Variants in ROBO2 observed in about 807,000 individuals in gnomAD.
The protein encoded by ROBO2 is roundabout homolog 2.
A neutral mutation model predicts 160.8 loss-of-function variants in ROBO2; 53 were observed. The observed-to-expected ratio is 0.33, with a 90% CI of 0.26 to 0.41. ROBO2 has a LOEUF of 0.41. Among genes scored for constraint, ROBO2 ranks in the 10% least tolerant of loss-of-function variants. The probability of loss-of-function intolerance (pLI) is 1.00; values close to 1 mark genes in which losing one functional copy is unlikely to be tolerated. For synonymous variants in ROBO2, 664 were observed against 611.7 expected (o/e 1.09, Z -1.26); for missense variants, 1,577 against 1,722.4 (o/e 0.92, Z 1.49).
chr3:77,076,227 C>T (rs542924430), intron 1 of ROBO2, among the ~76,000 whole-genome samples: 34 of 151,874 alleles, frequency 2.2e-4, no homozygotes, highest in Non-Finnish European at 4.6e-4. Context: ...TCTGTATTTT[C>T]TCCTGTATTG....
intron 3 of ROBO2, among the ~76,000 whole-genome samples, chr3:77,479,830 T>C (rs1425930013): frequency 6.6e-6 from 1 of 152,160 alleles, no homozygotes; most frequent in Non-Finnish European, 1.5e-5. Flanking sequence ...GGTATCTTCG[T>C]TCCCCTCCTT....
chr3:77,171,476 A>G (rs2079626972), intron 2 of ROBO2, among the ~76,000 whole-genome samples: 1 of 152,210 alleles, frequency 6.6e-6, no homozygotes, highest in Admixed American at 6.5e-5. Context: ...TATTTTTTCT[A>G]ATTAAAATAA....
intron 2 of ROBO2, among the ~76,000 whole-genome samples, chr3:77,225,375 C>T (rs1347576876): frequency 2.0e-5 from 3 of 151,778 alleles, no homozygotes; most frequent in Non-Finnish European, 2.9e-5. Flanking sequence ...GTCAACTTTG[C>T]GTAATATAGA....
intron 2 of ROBO2, among the ~76,000 whole-genome samples, chr3:77,311,770 G>A (rs565249876): frequency 7.2e-5 from 11 of 151,844 alleles, no homozygotes; most frequent in East Asian, 1.9e-4. Flanking sequence ...TCATTCTTTC[G>A]TCTTTTCATA....
chr3:76,654,322 G>C (rs1249303520), intron 2 of ROBO2, among the ~76,000 whole-genome samples: 1 of 152,118 alleles, frequency 6.6e-6, no homozygotes, highest in East Asian at 1.9e-4. Flanking sequence ...GAGTATAAAA[G>C]AAGTGTTGGC....
intron 2 of ROBO2, among the ~76,000 whole-genome samples, chr3:77,201,611 T>C (rs2082918188): frequency 6.6e-6 from 1 of 152,208 alleles, no homozygotes; most frequent in Non-Finnish European, 1.5e-5. Context: ...AAGTTTTACA[T>C]AAAAGTATGT....
At chr3:76,769,278 G>A (rs1226074942) in intron 2 of ROBO2, among the ~76,000 whole-genome samples, 2 of 151,312 alleles carry the variant, frequency 1.3e-5, no homozygotes, top group South Asian at 2.1e-4. Flanking sequence ...GATTATGTGG[G>A]GATCTTGTTA....
chr3:77,615,985 A>G (rs1287511364), intron 21 of ROBO2, among the ~76,000 whole-genome samples: 4 of 152,232 alleles, frequency 2.6e-5, no homozygotes, highest in Non-Finnish European at 5.9e-5. Context: ...CCCATGTACC[A>G]GAAACTGTAT....
At chr3:76,547,214 T>C (rs1238917164) in intron 2 of ROBO2, among the ~76,000 whole-genome samples, 2 of 152,064 alleles carry the variant, frequency 1.3e-5, no homozygotes, top group Non-Finnish European at 2.9e-5. Context: ...AATTTACTTG[T>C]ACTAAAATTA....
chr3:76,480,007 A>G (rs11720959), intron 2 of ROBO2, among the ~76,000 whole-genome samples: 12,700 of 149,476 alleles, frequency 0.085, 643 homozygotes, highest in Middle Eastern at 0.12. Context: ...AACAAAATAC[A>G]AAGTAGCTTT....
At chr3:76,303,966 A>T (rs2071197236) in intron 2 of ROBO2, among the ~76,000 whole-genome samples, 1 of 152,216 alleles carries the variant, frequency 6.6e-6, no homozygotes, top group Non-Finnish European at 1.5e-5. Context: ...ATCACTGGCA[A>T]AGGAAAAAGG....
intron 2 of ROBO2, among the ~76,000 whole-genome samples, chr3:76,762,514 A>G (rs1374420458): frequency 6.7e-6 from 1 of 149,694 alleles, no homozygotes; most frequent in African/African-American, 2.5e-5. Context: ...TATACTCAGT[A>G]TTTACATGGA....
chr3:77,587,565 T>C (rs2094084547), intron 16 of ROBO2, among the ~76,000 whole-genome samples: 1 of 151,978 alleles, frequency 6.6e-6, no homozygotes, highest in Non-Finnish European at 1.5e-5. Flanking sequence ...TCCCAAAATA[T>C]ATGAAGTAGA....
chr3:77,021,965 G>A (rs1262904410), intron 2 of ROBO2, among the ~76,000 whole-genome samples: 4 of 152,184 alleles, frequency 2.6e-5, no homozygotes, highest in Admixed American at 2.6e-4. Context: ...CAGAGGCCGG[G>A]TGTAGTGGCT....
At chr3:77,371,591 C>T (rs1449469712) in intron 2 of ROBO2, among the ~76,000 whole-genome samples, 11 of 152,092 alleles carry the variant, frequency 7.2e-5, no homozygotes, top group African/African-American at 2.7e-4. Context: ...AATTTTGATT[C>T]TTATAATGTG....
At chr3:77,240,544 C>T (rs116912817) in intron 2 of ROBO2, among the ~76,000 whole-genome samples, 4,029 of 152,232 alleles carry the variant, frequency 0.026, 193 homozygotes, top group East Asian at 0.21. Context: ...ACTGCAGCAG[C>T]GGGCTGAAGG....
At chr3:76,752,428 A>T (rs2060724886) in intron 2 of ROBO2, among the ~76,000 whole-genome samples, 1 of 150,852 alleles carries the variant, frequency 6.6e-6, no homozygotes, top group Admixed American at 6.6e-5. Flanking sequence ...TAGAACATAA[A>T]GTATAAAACA....
intron 2 of ROBO2, among the ~76,000 whole-genome samples, chr3:76,996,193 A>C (rs951667308): frequency 3.9e-5 from 6 of 152,156 alleles, no homozygotes; most frequent in Non-Finnish European, 2.9e-5. Context: ...TCCCAGCACC[A>C]TTTATTAAAT....
chr3:76,259,865 C>T (rs1441787574), intron 2 of ROBO2, among the ~76,000 whole-genome samples: 1 of 152,102 alleles, frequency 6.6e-6, no homozygotes, highest in African/African-American at 2.4e-5. Context: ...AATAACATCC[C>T]TTGTTTCTGA....
Sources: allele counts gnomAD v4.1 joint callset (sites outside exome capture counted in the v4.1 genomes callset), GRCh38; gene constraint gnomAD v4.1.1; transcripts MANE v1.5; gene names NCBI Gene and HGNC (gene_info 2026-07-23, HGNC 2026-07-21).